The following TMC7 variants were observed in gnomAD, a reference collection of about 807,000 sequenced individuals.
TMC7 encodes the protein transmembrane channel-like protein 7.
A neutral mutation model predicts 82.9 loss-of-function variants in TMC7; 54 were observed. The ratio of observed to expected loss-of-function variants is 0.65; its 90% confidence interval spans 0.52 to 0.82. TMC7 has a LOEUF of 0.82. Ranked by LOEUF, TMC7 falls within the 40% of genes least tolerant of loss-of-function variation. The pLI is 0.00. For missense variants in TMC7, 820 were observed against 901.2 expected (o/e 0.91, Z 1.15); for synonymous variants, 350 against 337.9 (o/e 1.04, Z -0.39).
At chr16:18,988,780 T>A (rs1382444532) in intron 1 of TMC7, among the ~76,000 whole-genome samples, 1 of 152,178 alleles carries the variant, frequency 6.6e-6, no homozygotes, top group Non-Finnish European at 1.5e-5. Flanking sequence ...CCGGGCACAG[T>A]GCCTCACACC....
At chr16:18,984,489 G>GTGCC (rs1363813131) in intron 1 of TMC7, 9 of 1,073,416 alleles carry the variant, frequency 8.4e-6, no homozygotes, top group African/African-American at 1.7e-5. Flanking sequence ...CTGGTATGAG[G>GTGCC]TGCCTGCCTC....
At chr16:19,005,729 T>C in intron 1 of TMC7, among the ~76,000 whole-genome samples, 2 of 152,324 alleles carry the variant, frequency 1.3e-5, no homozygotes, top group South Asian at 4.1e-4. Context: ...TGTTTCTGCT[T>C]GCAGGAGGGT....
chr16:19,014,813 A>T (rs1044731890), intron 2 of TMC7, among the ~76,000 whole-genome samples: 14 of 151,902 alleles, frequency 9.2e-5, no homozygotes, highest in Non-Finnish European at 1.6e-4. Context: ...CAACTACTTA[A>T]TTCTCCTGTT....
At chr16:19,000,515 A>C (rs1023526439) in intron 1 of TMC7, among the ~76,000 whole-genome samples, 1 of 152,162 alleles carries the variant, frequency 6.6e-6, no homozygotes, top group African/African-American at 2.4e-5. Context: ...AAGTGAAAAG[A>C]AGTCCATAAT....
At chr16:19,016,340 T>C (rs1959689618) in intron 2 of TMC7, 110 bp from the exon 3 acceptor site, 1 of 1,359,560 alleles carries the variant, frequency 7.4e-7, no homozygotes, top group African/African-American at 1.4e-5. Flanking sequence ...TCCACCTGCC[T>C]CGGCCTCCCA....
At chr16:19,040,679 A>G (rs1960971581) in intron 9 of TMC7, among the ~76,000 whole-genome samples, 1 of 152,122 alleles carries the variant, frequency 6.6e-6, no homozygotes, top group Non-Finnish European at 1.5e-5. Flanking sequence ...ATAATAGCAC[A>G]GGGCACAGGC....
At chr16:19,048,621 A>G (rs530044240) in intron 12 of TMC7, among the ~76,000 whole-genome samples, 108 of 152,192 alleles carry the variant, frequency 7.1e-4, no homozygotes, top group African/African-American at 2.6e-3. Context: ...GAGTTTCTCC[A>G]TGTTGGTCAG....
intron 9 of TMC7, among the ~76,000 whole-genome samples, chr16:19,041,641 G>A (rs1961020774): frequency 6.6e-6 from 1 of 152,118 alleles, no homozygotes; most frequent in African/African-American, 2.4e-5. Context: ...CAAAGTGCTG[G>A]GATTACAGGC....
At chr16:19,038,090 C>T in intron 8 of TMC7, 43 bp downstream of exon 8, 1 of 1,567,880 alleles carries the variant, frequency 6.4e-7, no homozygotes, top group South Asian at 1.2e-5. Context: ...GCCTAGTGCA[C>T]TGAAAATCTG....
chr16:19,012,996 T>C (rs929268702), intron 2 of TMC7, among the ~76,000 whole-genome samples: 4 of 149,766 alleles, frequency 2.7e-5, no homozygotes, highest in Admixed American at 6.7e-5. Flanking sequence ...TTGTAATTTT[T>C]AGTAGAGACA....
At chr16:18,996,695 G>A (rs562953715) in intron 1 of TMC7, among the ~76,000 whole-genome samples, 31 of 152,332 alleles carry the variant, frequency 2.0e-4, no homozygotes, top group African/African-American at 7.5e-4. Flanking sequence ...AGAGAAAGGT[G>A]GAGACACAGA....
chr16:19,049,737 C>A, intron 12 of TMC7: 1 of 871,852 alleles, frequency 1.1e-6, no homozygotes, highest in Non-Finnish European at 1.4e-6. Flanking sequence ...CCGCCGGCTG[C>A]CCCGAGGCTG....
intron 13 of TMC7, among the ~76,000 whole-genome samples, chr16:19,054,904 C>A (rs190008295): frequency 1.3e-5 from 2 of 151,898 alleles, no homozygotes; most frequent in Non-Finnish European, 2.9e-5. Flanking sequence ...GCTGCCACTA[C>A]GCCTGGCTAA....
chr16:19,059,992 A>T (rs1432381300), intron 15 of TMC7: 1 of 300,766 alleles, frequency 3.3e-6, no homozygotes, highest in African/African-American at 2.2e-5. Flanking sequence ...TAAAAATAAA[A>T]AAAGATGTGT....
Position 19,016,738 on chromosome 16 carries a change from G to T in TMC7, c.460+140G>T, listed in dbSNP as rs146135615. The T allele has an allele frequency of 8.6e-6, 8 of 927,580 alleles. 1 individual carries two copies. In the East Asian group the frequency reaches 2.2e-4, roughly 25 times the overall value. The allele number at this position is 927,580 out of a possible 1,614,324, so 57.5% of individuals were successfully genotyped here. On this transcript the variant is annotated intron_variant, in intron 3 of 15. Coordinates refer to ENST00000304381, the MANE Select transcript of TMC7 (RefSeq NM_024847.4). ...AATGTGAGCAACAAACCACAGCAAG[G>T]TTTAGCAGAACCTGTGACTTTGTCA...
At position 19,061,886 on chromosome 16, in the gene TMC7, T is replaced by C. The variant is rs1962027369; in HGVS notation, c.*43T>C. On this transcript the variant is annotated 3_prime_UTR_variant, in exon 16 of 16. Transcript: ENST00000304381. ...ATGGTGCTGCCTGTTGCTTCTAAGCTGACCTAGTGATTCTGCTGAGCCTAC... is the reference window on the plus strand; with the variant it reads ...ATGGTGCTGCCTGTTGCTTCTAAGCCGACCTAGTGATTCTGCTGAGCCTAC... 6.5e-7 allele frequency: 1 copy of C among 1,550,206 alleles called. No homozygotes were observed. Among genetic ancestry groups the C allele is most frequent in the Non-Finnish European group, 8.8e-7 (1 of 1,131,032 alleles).
At chr16:19,059,758 C>T (rs1961925293) in intron 15 of TMC7, 4 of 1,322,124 alleles carry the variant, frequency 3.0e-6, no homozygotes, top group Non-Finnish European at 4.1e-6. Context: ...AGGCAGATTA[C>T]TTGAGCTCAG....
At chr16:19,030,020 T>C (rs910452756) in intron 5 of TMC7, among the ~76,000 whole-genome samples, 1 of 152,178 alleles carries the variant, frequency 6.6e-6, no homozygotes, top group Admixed American at 6.5e-5. Context: ...CCGGCCCACC[T>C]GTGCATTTTT....
chr16:19,002,471 A>G (rs945345395), intron 1 of TMC7, among the ~76,000 whole-genome samples: 8 of 151,974 alleles, frequency 5.3e-5, no homozygotes, highest in South Asian at 2.1e-4. Context: ...TCCTGACCTC[A>G]GGTAATCCAC....
Sources: gnomAD v4.1 joint callset for allele counts (sites outside exome capture counted in the v4.1 genomes callset) on GRCh38, gnomAD v4.1.1 for gene constraint, MANE v1.5 for transcripts, NCBI Gene and HGNC (gene_info 2026-07-23, HGNC 2026-07-21) for gene names.